The following GLI3 variants were observed in gnomAD, a reference collection of about 807,000 sequenced individuals.
GLI3 encodes GLI family zinc finger 3, also known as transcription activator GLI3.
GLI3 carries 20 observed loss-of-function variants against 100.8 expected under a neutral mutation model. That is an observed-to-expected ratio of 0.20 (90% confidence interval 0.14 to 0.29). GLI3 has a LOEUF of 0.29. GLI3 is among the 10% of genes least tolerant of loss of function. GLI3 has a pLI of 1.00. For missense variants in GLI3, 2,040 were observed against 2,128.5 expected (o/e 0.96, Z 0.82); for synonymous variants, 938 against 860.5 (o/e 1.09, Z -1.58).
intron 3 of GLI3, among the ~76,000 whole-genome samples, chr7:42,129,038 T>A (rs894307874): frequency 6.6e-6 from 1 of 152,262 alleles, no homozygotes; most frequent in Non-Finnish European, 1.5e-5. Context: ...ATTTCTCACC[T>A]GTCCCTCCAA....
chr7:42,233,760 A>G (rs1158802930), intron 1 of GLI3, among the ~76,000 whole-genome samples: 2 of 152,226 alleles, frequency 1.3e-5, no homozygotes, highest in African/African-American at 2.4e-5. Context: ...GAAACCAGAA[A>G]CAGATCAATT....
chr7:42,108,965 A>T (rs534556079), intron 3 of GLI3, among the ~76,000 whole-genome samples: 40 of 152,014 alleles, frequency 2.6e-4, no homozygotes, highest in Admixed American at 1.3e-3. Flanking sequence ...TGGAAGTCTG[A>T]CGCCATCACC....
At chr7:41,969,315 C>G (rs1787307574) in intron 13 of GLI3, among the ~76,000 whole-genome samples, 1 of 152,148 alleles carries the variant, frequency 6.6e-6, no homozygotes, top group Non-Finnish European at 1.5e-5. Context: ...AGGGAGAGTG[C>G]TTTAGGGAAA....
chr7:42,162,853 G>A (rs561879746), intron 2 of GLI3, among the ~76,000 whole-genome samples: 6 of 151,962 alleles, frequency 3.9e-5, no homozygotes, highest in East Asian at 3.9e-4. Context: ...CAAGTAGCTC[G>A]GCCTTACAAA....
In GLI3 at chr7:42,182,683, C is replaced by CACACATATAAATATAT. The variant is rs1787637173; in HGVS notation, c.125-34216_125-34215insATATATTTATATGTGT. ...ATATATATATATATATATATATATA[C>CACACATATAAATATAT]ACATGTGTGTATATATATATACACA... On this transcript the variant is annotated intron_variant, in intron 2 of 14. Transcript: ENST00000395925. 1.5e-3 allele frequency among the ~76,000 whole-genome samples: 84 copies of CACACATATAAATATAT among 54,868 alleles called. 6 individuals carry two copies. The highest frequency in any genetic ancestry group is 9.4e-3 in the Middle Eastern group (1 of 106). The allele number at this position is 54,868 out of a possible 152,430, so 36.0% of individuals were successfully genotyped here.
chr7:42,207,691 T>C (rs1220846106), intron 2 of GLI3, among the ~76,000 whole-genome samples: 2 of 151,762 alleles, frequency 1.3e-5, no homozygotes, highest in East Asian at 3.9e-4. Context: ...TGGAGAAGAG[T>C]GGTTCATGAC....
intron 4 of GLI3, among the ~76,000 whole-genome samples, chr7:42,074,699 A>G (rs1201851700): frequency 6.6e-6 from 1 of 152,140 alleles, no homozygotes; most frequent in Non-Finnish European, 1.5e-5. Context: ...AGGATGCACT[A>G]AAACCAGGCA....
intron 7 of GLI3, among the ~76,000 whole-genome samples, chr7:42,033,847 A>G (rs889015924): frequency 5.9e-5 from 9 of 152,352 alleles, no homozygotes; most frequent in Middle Eastern, 6.8e-3. Context: ...TCCATCTATA[A>G]AAGTTTCCAG....
intron 2 of GLI3, chr7:42,150,246 T>G (rs1025630232): frequency 2.6e-5 from 4 of 152,344 alleles, no homozygotes; most frequent in Non-Finnish European, 5.9e-5. Flanking sequence ...TTGATCTCTA[T>G]GAAAGCAATT....
At chr7:42,207,044 A>C (rs1788170161) in intron 2 of GLI3, among the ~76,000 whole-genome samples, 1 of 152,234 alleles carries the variant, frequency 6.6e-6, no homozygotes, top group Non-Finnish European at 1.5e-5. Flanking sequence ...AAAAATACAG[A>C]AAATACCAAG....
At chr7:42,187,726 C>G (rs949797948) in intron 2 of GLI3, among the ~76,000 whole-genome samples, 1 of 152,006 alleles carries the variant, frequency 6.6e-6, no homozygotes, top group Non-Finnish European at 1.5e-5. Flanking sequence ...CCAGCAGAGC[C>G]GGGCACAGTG....
intron 2 of GLI3, among the ~76,000 whole-genome samples, chr7:42,154,480 G>T (rs1351838709): frequency 6.6e-6 from 1 of 152,164 alleles, no homozygotes; most frequent in Non-Finnish European, 1.5e-5. Context: ...CGCTGTGTTT[G>T]CAAAGAGCAT....
chr7:42,001,677 C>A (rs779153647), intron 10 of GLI3, among the ~76,000 whole-genome samples: 1 of 152,068 alleles, frequency 6.6e-6, no homozygotes, highest in African/African-American at 2.4e-5. Context: ...GGGAACCCAG[C>A]GTTGAAGTCA....
At chr7:42,147,110 T>TG (rs1162948394) in intron 3 of GLI3, among the ~76,000 whole-genome samples, 2 of 151,770 alleles carry the variant, frequency 1.3e-5, no homozygotes, top group Admixed American at 6.6e-5. Context: ...ATAATCTGGT[T>TG]GGGGGGGAGG....
chr7:42,160,742 C>G (rs1787113335), intron 2 of GLI3, among the ~76,000 whole-genome samples: 1 of 152,172 alleles, frequency 6.6e-6, no homozygotes, highest in African/African-American at 2.4e-5. Context: ...CAGCCAACTT[C>G]TCATAGATGT....
intron 3 of GLI3, among the ~76,000 whole-genome samples, chr7:42,103,867 T>C (rs1346184844): frequency 6.6e-6 from 1 of 152,190 alleles, no homozygotes; most frequent in Non-Finnish European, 1.5e-5. Context: ...ATAAAAGTGC[T>C]ACAATCTGAT....
At chr7:42,077,752 A>T (rs1424837237) in intron 3 of GLI3, among the ~76,000 whole-genome samples, 1 of 152,006 alleles carries the variant, frequency 6.6e-6, no homozygotes, top group African/African-American at 2.4e-5. Flanking sequence ...AAAGTGATTC[A>T]CTGTAAAAAC....
chr7:42,246,676 A>C (rs1266112550), intron 1 of GLI3, among the ~76,000 whole-genome samples: 1 of 152,190 alleles, frequency 6.6e-6, no homozygotes, highest in African/African-American at 2.4e-5. Context: ...AACCAAGGGA[A>C]TCTCCAAGGT....
intron 4 of GLI3, among the ~76,000 whole-genome samples, chr7:42,053,099 G>T (rs1230171958): frequency 6.6e-6 from 1 of 152,160 alleles, no homozygotes; most frequent in Admixed American, 6.5e-5. Flanking sequence ...GGGTTCAAGC[G>T]ATTCTCCTGT....
Sources: gnomAD v4.1 joint callset for allele counts (sites outside exome capture counted in the v4.1 genomes callset) on GRCh38, gnomAD v4.1.1 for gene constraint, MANE v1.5 for transcripts, NCBI Gene and HGNC (gene_info 2026-07-23, HGNC 2026-07-21) for gene names.